The following SPAG16 variants were observed in gnomAD, a reference collection of about 807,000 sequenced individuals.
The protein encoded by SPAG16 is sperm-associated antigen 16 protein.
Under a neutral mutation model 80.4 loss-of-function variants are expected in SPAG16, and 86 were observed. That is an observed-to-expected ratio of 1.07 (90% confidence interval 0.90 to 1.28). The LOEUF (loss-of-function observed/expected upper bound fraction) is 1.28, where lower values mean the gene tolerates loss of function less well. Ranked by LOEUF, SPAG16 falls within the 50% of genes most tolerant of loss-of-function variation. The probability of loss-of-function intolerance (pLI) is 0.00; values close to 1 mark genes in which losing one functional copy is unlikely to be tolerated. For synonymous variants in SPAG16, 294 were observed against 265.9 expected, an observed-to-expected ratio of 1.11 and a Z score of -1.03; for missense variants, 870 against 765.3, an observed-to-expected ratio of 1.14 and a Z score of -1.61.
At chr2:213,436,285 G>A (rs967026405) in intron 9 of SPAG16, among the ~76,000 whole-genome samples, 2 of 152,202 alleles carry the variant, frequency 1.3e-5, no homozygotes, top group Non-Finnish European at 2.9e-5. Context: ...AGAAATATGT[G>A]TGGCTAACGG....
At chr2:214,256,726 T>C (rs1690713393) in intron 15 of SPAG16, among the ~76,000 whole-genome samples, 3 of 151,886 alleles carry the variant, frequency 2.0e-5, no homozygotes, top group Non-Finnish European at 4.4e-5. Context: ...TGTGAAATGG[T>C]TGTATATATG....
intron 10 of SPAG16, among the ~76,000 whole-genome samples, chr2:213,801,984 C>T (rs2071438638): frequency 6.6e-6 from 1 of 152,164 alleles, no homozygotes; most frequent in Admixed American, 6.5e-5. Context: ...TTTACTTAAT[C>T]ATAGTGTCAT....
intron 12 of SPAG16, among the ~76,000 whole-genome samples, chr2:214,000,816 A>G (rs2046756851): frequency 6.6e-6 from 1 of 152,204 alleles, no homozygotes; most frequent in African/African-American, 2.4e-5. Flanking sequence ...GCATGAGGAA[A>G]CAGGTGGGTT....
In SPAG16 at chr2:214,148,745, C is replaced by T. The variant is rs571809084; in HGVS notation, c.1594-395C>T. 9.9e-5 allele frequency among the ~76,000 whole-genome samples: 15 copies of T among 151,918 alleles called. 1 individual carries two copies. Among genetic ancestry groups the T allele is most frequent in the Admixed American group, 9.2e-4 (14 of 15,224 alleles). On this transcript the variant is annotated intron_variant, in intron 14 of 15. Transcript: ENST00000331683. ...TCCCACATTCACAGTTTTTATGTGT[C>T]ACATATATCATATGCATTATATGAT...
At chr2:214,257,532 AAG>A (rs1268896975) in intron 15 of SPAG16, among the ~76,000 whole-genome samples, 3 of 152,068 alleles carry the variant, frequency 2.0e-5, no homozygotes, top group African/African-American at 7.2e-5. Flanking sequence ...TCAATTTGCT[AAG>A]AGTGTTATGA....
At chr2:213,441,802 T>A (rs1473442572) in intron 9 of SPAG16, among the ~76,000 whole-genome samples, 3 of 152,108 alleles carry the variant, frequency 2.0e-5, no homozygotes, top group Non-Finnish European at 2.9e-5. Context: ...AAAGTTAATA[T>A]ACAAAAGTCA....
At chr2:213,460,772 T>C (rs1276831442) in intron 9 of SPAG16, among the ~76,000 whole-genome samples, 1 of 152,174 alleles carries the variant, frequency 6.6e-6, no homozygotes. Context: ...CGGTTGGTCA[T>C]AGTAAATCAG....
chr2:214,041,745 T>G (rs1161101344), intron 13 of SPAG16, among the ~76,000 whole-genome samples: 1 of 151,664 alleles, frequency 6.6e-6, no homozygotes, highest in Non-Finnish European at 1.5e-5. Context: ...TGTATGCATA[T>G]TCTTTCCCTG....
At chr2:213,696,865 G>A (rs190091898) in intron 10 of SPAG16, among the ~76,000 whole-genome samples, 3 of 152,302 alleles carry the variant, frequency 2.0e-5, no homozygotes. Flanking sequence ...CATGAAAGGA[G>A]ACCAAGAAGA....
At chr2:213,588,692 C>T (rs2060560280) in intron 10 of SPAG16, among the ~76,000 whole-genome samples, 1 of 150,830 alleles carries the variant, frequency 6.6e-6, no homozygotes, top group Non-Finnish European at 1.5e-5. Flanking sequence ...GTCCCAGCTA[C>T]TCGGGAGGCT....
At chr2:213,484,342 A>G (rs1470089004) in intron 9 of SPAG16, among the ~76,000 whole-genome samples, 10 of 152,232 alleles carry the variant, frequency 6.6e-5, no homozygotes, top group Admixed American at 6.5e-4. Flanking sequence ...GAATAGATAT[A>G]TGAGTAAGAA....
At chr2:213,900,586 A>G (rs967675997) in intron 11 of SPAG16, among the ~76,000 whole-genome samples, 1 of 152,166 alleles carries the variant, frequency 6.6e-6, no homozygotes, top group Non-Finnish European at 1.5e-5. Flanking sequence ...CTTGGCCTAC[A>G]GATTAAAACT....
intron 13 of SPAG16, among the ~76,000 whole-genome samples, chr2:214,059,199 T>TAC (rs1553706161): frequency 1.9e-5 from 1 of 51,532 alleles, no homozygotes; most frequent in Non-Finnish European, 4.0e-5. Context: ...TATATATATA[T>TAC]ATATATATAT....
At chr2:214,157,361 G>A (rs1476727592) in intron 15 of SPAG16, among the ~76,000 whole-genome samples, 1 of 152,064 alleles carries the variant, frequency 6.6e-6, no homozygotes, top group Non-Finnish European at 1.5e-5. Flanking sequence ...TTAATGTAAT[G>A]TAAATTAGGA....
intron 11 of SPAG16, among the ~76,000 whole-genome samples, chr2:213,910,016 G>A (rs963177438): frequency 6.6e-6 from 1 of 152,100 alleles, no homozygotes. Flanking sequence ...ATAATTTTAT[G>A]ACTCAGTGAA....
At chr2:213,534,322 G>A (rs185599129) in intron 10 of SPAG16, among the ~76,000 whole-genome samples, 16 of 152,062 alleles carry the variant, frequency 1.1e-4, no homozygotes, top group East Asian at 3.9e-4. Context: ...ATGGAAAACT[G>A]GTTGGCAATT....
chr2:214,171,517 T>C (rs1047697386), intron 15 of SPAG16, among the ~76,000 whole-genome samples: 6 of 152,012 alleles, frequency 3.9e-5, no homozygotes, highest in African/African-American at 1.4e-4. Flanking sequence ...CTAGTCATTA[T>C]CATTACTTTT....
At chr2:213,357,243 G>A (rs993743814) in intron 7 of SPAG16, among the ~76,000 whole-genome samples, 7 of 152,234 alleles carry the variant, frequency 4.6e-5, no homozygotes, top group Middle Eastern at 3.4e-3. Context: ...TTGATTTGGG[G>A]TAGAGAGTTC....
At chr2:213,841,390 T>C (rs2074358765) in intron 10 of SPAG16, among the ~76,000 whole-genome samples, 1 of 152,210 alleles carries the variant, frequency 6.6e-6, no homozygotes, top group Non-Finnish European at 1.5e-5. Context: ...GTCTACTTAA[T>C]TGCTTTTGCA....
Sources: allele counts gnomAD v4.1 joint callset (sites outside exome capture counted in the v4.1 genomes callset), GRCh38; gene constraint gnomAD v4.1.1; transcripts MANE v1.5; gene names NCBI Gene and HGNC (gene_info 2026-07-23, HGNC 2026-07-21).